Variants in MRPL38 observed in about 807,000 individuals in gnomAD.
MRPL38 encodes large ribosomal subunit protein mL38.
A neutral mutation model predicts 52.1 loss-of-function variants in MRPL38; 51 were observed. The ratio of observed to expected loss-of-function variants is 0.98; its 90% CI spans 0.78 to 1.24. The LOEUF is 1.24. Among genes scored for constraint, MRPL38 ranks in the 50% most tolerant of loss-of-function variants. The pLI, the probability that MRPL38 is intolerant of heterozygous loss-of-function variation, is 0.00. For synonymous variants in MRPL38, 245 were observed against 212.7 expected, an observed-to-expected ratio of 1.15 and a Z score of -1.32; for missense variants, 527 against 518.6, an observed-to-expected ratio of 1.02 and a Z score of -0.16.
rs1446042550 is a variant in MRPL38 at position 75,899,252 on chromosome 17, G to A, written c.912C>T (p.Tyr304=). The A allele has an allele frequency of 1.2e-6, 2 of 1,612,270 alleles. No individual in the cohort carries two copies. The highest frequency in any genetic ancestry group is 1.7e-6 in the Non-Finnish European group (2 of 1,179,396). Residue 304 remains tyrosine (Y), a synonymous_variant, in exon 8 of 9, where the codon TAC becomes TAT. Coordinates refer to ENST00000309352, the MANE Select transcript of MRPL38 (RefSeq NM_032478.4). ...GAGTCATGGTTTCTTGGTGTTTCTT[G>A]TAGAAATCAAAAGTGCGGAAGGTCC... ...AQRTFRTFDF[Y]KKHQETMTPA...
Position 75,901,895 on chromosome 17 carries a change from C to T in MRPL38, c.408G>A (p.Arg136=), listed in dbSNP as rs1484307967. The part of the protein sequence containing the change: ...RTASVPLDAV[R]AEWERTCGPY... ...GGCCACAGGTCCTCTCCCACTCGGCCCGCACGGCATCCAGCGGGACACTGG... is the reference window on the plus strand; with the variant it reads ...GGCCACAGGTCCTCTCCCACTCGGCTCGCACGGCATCCAGCGGGACACTGG... The change falls in exon 4 of 9, where the codon CGG becomes CGA. Residue 136 remains arginine, a synonymous_variant. Coordinates refer to ENST00000309352, the MANE Select transcript of MRPL38 (RefSeq NM_032478.4). This position sits in a 1 kb window ranked among gnomAD's most constrained non-coding sequence, Gnocchi z 5.7. 1 of 1,612,578 alleles carries T rather than the reference C, an allele frequency of 6.2e-7. No homozygotes were observed. The highest frequency in any genetic ancestry group is 1.1e-5 in the South Asian group (1 of 90,992).
intron 7 of MRPL38, 108 bp downstream of exon 7, chr17:75,899,408 C>G: frequency 6.6e-7 from 1 of 1,503,902 alleles, no homozygotes; most frequent in Non-Finnish European, 8.9e-7. Context: ...GCACCCTATC[C>G]TGCTCTTCTG....
intron 1 of MRPL38, 41 bp downstream of exon 1, chr17:75,904,768 C>CTGGGGGGGGGG: frequency 9.5e-7 from 1 of 1,056,388 alleles, no homozygotes; most frequent in Non-Finnish European, 1.2e-6. Flanking sequence ...GCTCGGGCGA[C>CTGGGGGGGGGG]AGCCCCCCCC....
chr17:75,902,913 C>T (rs1180163093), intron 2 of MRPL38, among the ~76,000 whole-genome samples: 1 of 151,964 alleles, frequency 6.6e-6, no homozygotes, highest in Non-Finnish European at 1.5e-5. Context: ...TTAGTAGAGA[C>T]GGGGTTTCAC....
intron 2 of MRPL38, chr17:75,902,434 T>C (rs973268622): frequency 4.6e-6 from 2 of 438,372 alleles, no homozygotes; most frequent in Non-Finnish European, 8.2e-6. Flanking sequence ...ATCTGAGAGA[T>C]GGGATCTCAT....
Position 75,898,717 on chromosome 17 carries a change from C to G in MRPL38, c.*133G>C, listed in dbSNP as rs2065387330. 9.6e-7 allele frequency: 1 copy of G among 1,044,152 alleles called. No individual in the cohort carries two copies. Among genetic ancestry groups the G allele is most frequent in the Admixed American group, 2.3e-5 (1 of 43,480 alleles). The allele number at this position is 1,044,152 out of a possible 1,614,324, so 64.7% of individuals were successfully genotyped here. A position where few individuals can be genotyped will look rare whatever the true frequency, so the allele number is the denominator to read the frequency against. ...AGTCACTTTCACTCCAAGCCCTGGG[C>G]CTGACGGGAGGGGGCCAAAGAGGGG... On this transcript the variant is annotated 3_prime_UTR_variant, in exon 9 of 9. Coordinates refer to ENST00000309352, the MANE Select transcript of MRPL38 (RefSeq NM_032478.4).
In MRPL38 at chr17:75,902,131, C is replaced by G; in HGVS notation, c.271G>C (p.Gly91Arg). ...CGGGAGACTTTGGGTGGAGGCAGCC[C>G]AATATCAATCTTCTCTTTGGGATCT... The part of the protein sequence containing the change: ...KTDPKEKIDI[G>R]LPPPKVSRTQ... The change falls in exon 3 of 9, where the codon GGG (glycine) becomes CGG (arginine). Residue 91 changes from glycine (G) to arginine (R), a missense_variant. Gly to Arg is a moderately radical substitution (Grantham distance 125, BLOSUM62 -2). Coordinates refer to ENST00000309352, the MANE Select transcript of MRPL38 (RefSeq NM_032478.4). The G allele has an allele frequency of 6.4e-7, 1 of 1,569,526 alleles. No individual in the cohort carries two copies. Among genetic ancestry groups the G allele is most frequent in the Non-Finnish European group, 8.6e-7 (1 of 1,157,206 alleles).
chr17:75,901,300 G>A lies in MRPL38; in HGVS notation c.592-27C>T. 2 of 1,608,614 alleles carry A rather than the reference G, an allele frequency of 1.2e-6. No individual in the cohort carries two copies. The highest frequency in any genetic ancestry group is 2.2e-5 in the South Asian group (2 of 90,298). ...TGGCAGGGTGAGAAGGAAGCTGTCA[G>A]CCCCACCAGGGACAGGCCAGCTGTT... is the stretch of plus-strand genomic sequence containing the variant. On this transcript the variant is annotated intron_variant, in intron 4 of 8. Coordinates refer to ENST00000309352, the MANE Select transcript of MRPL38 (RefSeq NM_032478.4). This position sits in a 1 kb window ranked among gnomAD's most constrained non-coding sequence, Gnocchi z 5.7.
At position 75,898,903 on chromosome 17, in the gene MRPL38, G is replaced by A. The variant is rs775367290; in HGVS notation, c.1090C>T (p.Arg364Cys). ...QKRFPHRQPL[R>C]YLDRYRDSHE... ...CTGTCCCTGTACCGGTCCAGGTAGC[G>A]CAGGGGCTGCCGGTGGGGGAAGCGC... is the stretch of plus-strand genomic sequence containing the variant. Residue 364 changes from arginine to cysteine, a missense_variant, in exon 9 of 9, where the codon CGC (arginine) becomes TGC (cysteine). By Grantham distance (180) the Arg-to-Cys change is radical (BLOSUM62 -3). Transcript: ENST00000309352. 3.1e-6 allele frequency: 5 copies of A among 1,611,234 alleles called. No individual in the cohort carries two copies. Among genetic ancestry groups the A allele is most frequent in the African/African-American group, 2.7e-5 (2 of 74,886 alleles).
chr17:75,902,254 CCATCT>C, intron 2 of MRPL38, 100 bp from the exon 3 acceptor site: 1 of 1,308,336 alleles, frequency 7.6e-7, no homozygotes, highest in Non-Finnish European at 1.0e-6. Flanking sequence ...CAAGTGTACA[CCATCT>C]CATCTGGCTA....
rs1313179920 is a variant in MRPL38 at position 75,898,950 on chromosome 17, G to T, written c.1043C>A (p.Pro348His). 6.2e-7 allele frequency: 1 copy of T among 1,606,636 alleles called. No individual in the cohort carries two copies. ...GCGCTTCTGCTTGGGGTGGTAAGGG[G>T]GCGGCCGCACGAACTCAAACACCGG... ...REPVFEFVRP[P>H]PYHPKQKRFP... The change falls in exon 9 of 9, where the codon CCC becomes CAC. Residue 348 changes from proline to histidine, a missense_variant. Coordinates refer to ENST00000309352, the MANE Select transcript of MRPL38 (RefSeq NM_032478.4).
At chr17:75,900,718 C>T (rs113817964) in intron 6 of MRPL38, 10 of 1,026,282 alleles carry the variant, frequency 9.7e-6, no homozygotes, top group African/African-American at 2.8e-5. Flanking sequence ...GAGACCCTGT[C>T]TCAAAAAAAA....
intron 6 of MRPL38, 97 bp downstream of exon 6, chr17:75,900,885 T>C: frequency 2.0e-6 from 3 of 1,500,622 alleles, no homozygotes; most frequent in Non-Finnish European, 2.7e-6. Flanking sequence ...CAAGGTCCCA[T>C]GGGTAGTCCA....
Position 75,904,806 on chromosome 17 carries a change from C to A in MRPL38, c.67+3G>T, listed in dbSNP as rs1379111588. 6.6e-7 allele frequency: 1 copy of A among 1,522,382 alleles called. No individual in the cohort carries two copies. Among genetic ancestry groups the A allele is most frequent in the South Asian group, 1.2e-5 (1 of 82,858 alleles). 94.3% of individuals were successfully genotyped at this position (1,522,382 alleles called of 1,614,324 possible). On this transcript the variant is annotated splice_donor_region_variant and intron_variant, in intron 1 of 8. Coordinates refer to ENST00000309352, the MANE Select transcript of MRPL38 (RefSeq NM_032478.4). The stretch of plus-strand genomic sequence containing the variant: ...CCCCCCCGCAGAGCTGCCCACCCCT[C>A]ACCCGAGGTGCTGAAGCCCCGCCAT...
At chr17:75,899,806 A>G (rs1400431145) in intron 6 of MRPL38, 132 bp from the exon 7 acceptor site, 1 of 749,228 alleles carries the variant, frequency 1.3e-6, no homozygotes, top group Non-Finnish European at 1.9e-6. Flanking sequence ...CTCCTGGGAC[A>G]GAGGAGGCAG....
chr17:75,901,184 G>A lies in MRPL38; in HGVS notation c.664+17C>T, dbSNP rs1240437572. The A allele has an allele frequency of 1.2e-6, 2 of 1,612,928 alleles. No individual in the cohort carries two copies. The highest frequency in any genetic ancestry group is 1.3e-5 in the African/African-American group (1 of 74,906). On this transcript the variant is annotated intron_variant, in intron 5 of 8. Transcript: ENST00000309352. The surrounding 1 kb of genome is among the most constrained non-coding windows in gnomAD (Gnocchi z 5.7). The stretch of plus-strand genomic sequence containing the variant: ...AGGTGAGCGGGGCAGGAGGCCTGGT[G>A]AGCCCCAGACACCCACCCAAGCTAG...
chr17:75,901,840 A>G lies in MRPL38; in HGVS notation c.463T>C (p.Tyr155His). The change falls in exon 4 of 9, where the codon TAC becomes CAC. Residue 155 changes from tyrosine to histidine, a missense_variant. Tyr to His is a moderately conservative substitution (Grantham distance 83). Coordinates refer to ENST00000309352, the MANE Select transcript of MRPL38 (RefSeq NM_032478.4). This position sits in a 1 kb window ranked among gnomAD's most constrained non-coding sequence, Gnocchi z 5.7. ...PYHKQRLAEY[Y>H]GLYRDLFHGA... ...TGGAACAGGTCTCGGTAGAGGCCGT[A>G]ATACTCAGCCAGACGCTGCTTGTGG... 6.2e-7 allele frequency: 1 copy of G among 1,613,426 alleles called. No homozygotes were observed. Among genetic ancestry groups the G allele is most frequent in the Non-Finnish European group, 8.5e-7 (1 of 1,179,854 alleles).
chr17:75,904,770 G>GGGGC, intron 1 of MRPL38, 39 bp downstream of exon 1: 2 of 500,006 alleles, frequency 4.0e-6, no homozygotes, highest in Non-Finnish European at 5.6e-6. Context: ...TCGGGCGACA[G>GGGGC]CCCCCCCCCC....
intron 7 of MRPL38, 80 bp downstream of exon 7, chr17:75,899,436 G>T: frequency 6.6e-7 from 1 of 1,516,872 alleles, no homozygotes; most frequent in Middle Eastern, 1.8e-4. Context: ...CAAGGCTGAG[G>T]TCAAGAGAGA....
Sources: gnomAD v4.1 joint callset for allele counts (sites outside exome capture counted in the v4.1 genomes callset) on GRCh38, gnomAD v4.1.1 for gene constraint, Gnocchi (gnomAD v3.1) non-coding constraint, MANE v1.5 for transcripts, NCBI Gene and HGNC (gene_info 2026-07-23, HGNC 2026-07-21) for gene names.